Variants in GLDC observed in about 807,000 individuals in gnomAD.
GLDC encodes the protein glycine decarboxylase.
Under a neutral mutation model 121.3 loss-of-function variants are expected in GLDC, and 104 were observed. The ratio of observed to expected loss-of-function variants is 0.86; its 90% CI spans 0.73 to 1.01. GLDC has a LOEUF of 1.01. Among genes scored for constraint, GLDC ranks in the 50% least tolerant of loss-of-function variants. The pLI is 0.00. For missense variants in GLDC, 1,429 were observed against 1,306.6 expected (o/e 1.09, Z -1.44); for synonymous variants, 546 against 480.6 (o/e 1.14, Z -1.78).
At chr9:6,642,938 AC>A (rs1587988553) in intron 2 of GLDC, among the ~76,000 whole-genome samples, 1 of 150,774 alleles carries the variant, frequency 6.6e-6, no homozygotes, top group East Asian at 1.9e-4. Context: ...TCACTCTGTT[AC>A]TCAGGTGGAA....
intron 2 of GLDC, 57 bp from the exon 3 acceptor site, chr9:6,620,376 T>A (rs1445708150): frequency 6.9e-7 from 1 of 1,447,014 alleles, no homozygotes; most frequent in Non-Finnish European, 9.7e-7. Context: ...AGAGCTCTAA[T>A]TACAGTTTAA....
intron 4 of GLDC, among the ~76,000 whole-genome samples, chr9:6,609,282 A>G (rs1818801987): frequency 6.6e-6 from 1 of 152,228 alleles, no homozygotes; most frequent in African/African-American, 2.4e-5. Flanking sequence ...GATTTATTAT[A>G]AGGATGCACA....
chr9:6,576,257 A>AGT (rs1311116768), intron 15 of GLDC, among the ~76,000 whole-genome samples: 1 of 152,142 alleles, frequency 6.6e-6, no homozygotes, highest in African/African-American at 2.4e-5. Context: ...CAGCAGACTT[A>AGT]GTGTCTAGTG....
At chr9:6,577,923 TTTC>T (rs1818102956) in intron 15 of GLDC, among the ~76,000 whole-genome samples, 1 of 151,798 alleles carries the variant, frequency 6.6e-6, no homozygotes, top group Non-Finnish European at 1.5e-5. Flanking sequence ...GTTTAAGATC[TTTC>T]TTCTTTTTTC....
At chr9:6,568,981 T>C (rs1006708917) in intron 15 of GLDC, 1 of 152,222 alleles carries the variant, frequency 6.6e-6, no homozygotes, top group Admixed American at 6.5e-5. Context: ...AGATTCATTC[T>C]ACAAAGAATC....
chr9:6,541,703 C>T (rs1337144852), intron 21 of GLDC: 1 of 151,278 alleles, frequency 6.6e-6, no homozygotes, highest in Admixed American at 6.6e-5. Flanking sequence ...GGGCGGGTGC[C>T]TGTAGTTCCA....
chr9:6,535,360 T>C (rs953650771), intron 23 of GLDC, among the ~76,000 whole-genome samples: 5 of 151,330 alleles, frequency 3.3e-5, no homozygotes, highest in Non-Finnish European at 7.4e-5. Flanking sequence ...TCATCTTGTA[T>C]GCCTCCATGA....
At chr9:6,534,922 G>A in intron 23 of GLDC, 134 bp from the exon 24 acceptor site, 2 of 682,576 alleles carry the variant, frequency 2.9e-6, no homozygotes, top group South Asian at 1.5e-5. Context: ...ATTTAGGGGG[G>A]TACAATGTGA....
chr9:6,644,725 C>G, intron 1 of GLDC, 33 bp from the exon 2 acceptor site: 1 of 1,470,046 alleles, frequency 6.8e-7, no homozygotes, highest in Admixed American at 1.7e-5. Flanking sequence ...AGGAAAGTGC[C>G]TCTGAGTTAA....
intron 21 of GLDC, chr9:6,541,191 T>G (rs1432956908): frequency 2.0e-5 from 3 of 152,246 alleles, no homozygotes; most frequent in Non-Finnish European, 4.4e-5. Context: ...AGGTCCAGGC[T>G]GCCAGTAGCT....
intron 20 of GLDC, among the ~76,000 whole-genome samples, chr9:6,551,268 G>C (rs1289180882): frequency 6.6e-6 from 1 of 152,154 alleles, no homozygotes. Flanking sequence ...ATGAATTTGA[G>C]AGGTCTTGAT....
At chr9:6,627,429 C>T (rs892870762) in intron 2 of GLDC, among the ~76,000 whole-genome samples, 1 of 151,986 alleles carries the variant, frequency 6.6e-6, no homozygotes, top group African/African-American at 2.4e-5. Context: ...ATACTCTAGT[C>T]TCTATAGGAC....
chr9:6,612,794 G>A (rs998614412), intron 3 of GLDC, among the ~76,000 whole-genome samples: 57 of 152,206 alleles, frequency 3.7e-4, no homozygotes, highest in African/African-American at 1.2e-3. Context: ...ACCAGAAGGC[G>A]GAGGTTGCAG....
intron 2 of GLDC, among the ~76,000 whole-genome samples, chr9:6,634,248 C>G (rs1470503209): frequency 6.6e-6 from 1 of 151,956 alleles, no homozygotes; most frequent in Admixed American, 6.6e-5. Context: ...AACAAACAAA[C>G]CCAAAACCAT....
chr9:6,643,033 G>C (rs932651832), intron 2 of GLDC, among the ~76,000 whole-genome samples: 2 of 151,988 alleles, frequency 1.3e-5, no homozygotes, highest in Non-Finnish European at 2.9e-5. Flanking sequence ...GAGTAGCTGG[G>C]ATTACAGGCG....
At chr9:6,615,597 G>C (rs950945685) in intron 3 of GLDC, among the ~76,000 whole-genome samples, 1 of 145,866 alleles carries the variant, frequency 6.9e-6, no homozygotes, top group East Asian at 2.0e-4. Flanking sequence ...AAAAAAAAAA[G>C]ACCTAGTATA....
chr9:6,561,971 T>G (rs1817768150), intron 16 of GLDC, among the ~76,000 whole-genome samples: 1 of 152,226 alleles, frequency 6.6e-6, no homozygotes, highest in Admixed American at 6.5e-5. Flanking sequence ...GGTTTTGAGC[T>G]TTCTTTGTTG....
At position 6,565,363 on chromosome 9, in the gene GLDC, C is replaced by T. The variant is rs776998782; in HGVS notation, c.1917G>A (p.Gly639=). 4.3e-6 allele frequency: 7 copies of T among 1,611,864 alleles called. No individual in the cohort carries two copies. The Admixed American group carries it at 8.3e-5, about 19-fold the overall frequency. Residue 639 remains glycine (G), a synonymous_variant, in exon 16 of 25, where the codon GGG becomes GGA. Transcript: ENST00000321612. ...CTCCTGCCATACTCACCGTTCTGTGCCCCTCTCCTTTCTGGTTTAAGTAGG... is the reference window on the plus strand; with the variant it reads ...CTCCTGCCATACTCACCGTTCTGTGTCCCTCTCCTTTCTGGTTTAAGTAGG... The part of the protein sequence containing the change: ...IRAYLNQKGE[G]HRTVCLIPKS...
chr9:6,637,404 CA>C (rs71328199), intron 2 of GLDC, among the ~76,000 whole-genome samples: 53,228 of 139,610 alleles, frequency 0.38, 10,036 homozygotes, highest in East Asian at 0.52. Context: ...AGACTTCTCT[CA>C]AAAAAAAAAA....
Sources: allele counts gnomAD v4.1 joint callset (sites outside exome capture counted in the v4.1 genomes callset), GRCh38; gene constraint gnomAD v4.1.1; transcripts MANE v1.5; gene names NCBI Gene and HGNC (gene_info 2026-07-23, HGNC 2026-07-21).